GALNT17: variants seen among roughly 807,000 people sequenced by gnomAD.
The protein encoded by GALNT17 is UDP-GalNAc:polypeptide N-acetylgalactosaminyltransferase-like 3.
In GALNT17, 29 loss-of-function variants were observed where a neutral mutation model predicts 63.7. That is an observed-to-expected ratio of 0.46 (90% CI 0.34 to 0.62). The LOEUF (loss-of-function observed/expected upper bound fraction) is 0.62, where lower values mean the gene tolerates loss of function less well. Among genes scored for constraint, GALNT17 ranks in the 20% least tolerant of loss-of-function variants. GALNT17 has a pLI of 0.01. For synonymous variants in GALNT17, 305 were observed against 318.3 expected, an observed-to-expected ratio of 0.96 and a Z score of 0.45; for missense variants, 603 against 799.6, an observed-to-expected ratio of 0.75 and a Z score of 2.97.
intron 6 of GALNT17, among the ~76,000 whole-genome samples, chr7:71,583,269 T>C (rs951051490): frequency 1.7e-4 from 26 of 152,268 alleles, no homozygotes; most frequent in African/African-American, 6.0e-4. Context: ...TAATTTTTTG[T>C]ATTTTTAGTA....
At chr7:71,233,931 G>GAAGGAGA (rs1789839784) in intron 1 of GALNT17, among the ~76,000 whole-genome samples, 2 of 152,308 alleles carry the variant, frequency 1.3e-5, no homozygotes, top group South Asian at 2.1e-4. Flanking sequence ...CATGGCCAGA[G>GAAGGAGA]AAGGAGAAAG....
chr7:71,269,900 A>G (rs1271227216), intron 1 of GALNT17, among the ~76,000 whole-genome samples: 1 of 152,148 alleles, frequency 6.6e-6, no homozygotes, highest in Non-Finnish European at 1.5e-5. Flanking sequence ...CAAGAGCACA[A>G]AGCAGGGGAT....
intron 1 of GALNT17, among the ~76,000 whole-genome samples, chr7:71,136,079 C>G (rs2158735): frequency 0.56 from 84,520 of 152,002 alleles, 23,969 homozygotes; most frequent in East Asian, 0.86. Context: ...CTCTTCCTCT[C>G]TCTCCACCTG....
chr7:71,434,227 T>C (rs1008993936), intron 5 of GALNT17, among the ~76,000 whole-genome samples: 1 of 152,212 alleles, frequency 6.6e-6, no homozygotes, highest in Non-Finnish European at 1.5e-5. Flanking sequence ...TGTGATCATG[T>C]GAGTCAATTC....
intron 3 of GALNT17, among the ~76,000 whole-genome samples, chr7:71,392,013 A>G (rs1315146736): frequency 6.6e-6 from 1 of 152,118 alleles, no homozygotes; most frequent in African/African-American, 2.4e-5. Context: ...TGAAGGAGGC[A>G]TCGAGCCACA....
At chr7:71,375,702 G>A (rs557883299) in intron 2 of GALNT17, among the ~76,000 whole-genome samples, 1 of 152,334 alleles carries the variant, frequency 6.6e-6, no homozygotes, top group East Asian at 1.9e-4. Flanking sequence ...TTACAGGCAT[G>A]AGCCACTGCC....
chr7:71,678,731 C>G (rs1192927127), intron 9 of GALNT17, among the ~76,000 whole-genome samples: 1 of 151,252 alleles, frequency 6.6e-6, no homozygotes, highest in African/African-American at 2.4e-5. Context: ...GGAGGTGGAG[C>G]TTGCAGTGAG....
intron 1 of GALNT17, among the ~76,000 whole-genome samples, chr7:71,200,140 C>G (rs903908508): frequency 1.4e-4 from 21 of 152,054 alleles, no homozygotes; most frequent in Non-Finnish European, 4.4e-5. Context: ...TTTTCATAGC[C>G]TCTTGGTGGT....
chr7:71,476,087 T>C (rs1787718324), intron 5 of GALNT17, among the ~76,000 whole-genome samples: 1 of 152,152 alleles, frequency 6.6e-6, no homozygotes, highest in Non-Finnish European at 1.5e-5. Flanking sequence ...TTGTTTTGAG[T>C]GGGAACCATG....
intron 1 of GALNT17, among the ~76,000 whole-genome samples, chr7:71,266,621 C>T (rs1790496938): frequency 6.6e-6 from 1 of 152,162 alleles, no homozygotes; most frequent in Non-Finnish European, 1.5e-5. Context: ...TGGACTAATA[C>T]ATCTGCAAAG....
intron 1 of GALNT17, among the ~76,000 whole-genome samples, chr7:71,316,188 G>GTCCTGATCTGTGGGTCTGAGCAGGA (rs1791495268): frequency 9.5e-6 from 1 of 105,768 alleles, no homozygotes; most frequent in Admixed American, 1.0e-4. Flanking sequence ...GCCGCCTGGG[G>GTCCTGATCTGTGGGTCTGAGCAGGA]TCCTGATCTG....
chr7:71,361,156 A>G (rs1792393435), intron 2 of GALNT17, among the ~76,000 whole-genome samples: 1 of 152,180 alleles, frequency 6.6e-6, no homozygotes, highest in Non-Finnish European at 1.5e-5. Flanking sequence ...GCTGTAGCCA[A>G]CAGTGGTCAT....
intron 5 of GALNT17, among the ~76,000 whole-genome samples, chr7:71,505,498 G>A (rs1788252398): frequency 6.6e-6 from 1 of 152,154 alleles, no homozygotes; most frequent in African/African-American, 2.4e-5. Context: ...TACTTACGAG[G>A]CTGAAGTGGG....
At chr7:71,233,652 G>A (rs7806374) in intron 1 of GALNT17, among the ~76,000 whole-genome samples, 3,677 of 152,246 alleles carry the variant, frequency 0.024, 150 homozygotes, top group African/African-American at 0.084. Flanking sequence ...CAAGAGTCTG[G>A]GATGGTGGGT....
chr7:71,706,469 T>A (rs903962769), intron 9 of GALNT17, among the ~76,000 whole-genome samples: 3 of 152,242 alleles, frequency 2.0e-5, no homozygotes, highest in African/African-American at 7.2e-5. Flanking sequence ...ATCTGCCTGC[T>A]GGATAATAGA....
intron 5 of GALNT17, among the ~76,000 whole-genome samples, chr7:71,470,899 T>A (rs1204703873): frequency 2.0e-5 from 3 of 152,210 alleles, no homozygotes; most frequent in African/African-American, 7.2e-5. Flanking sequence ...TACTGGAATC[T>A]TGCCCATCTG....
chr7:71,415,790 A>T, intron 3 of GALNT17, 99 bp from the exon 4 acceptor site: 1 of 1,321,362 alleles, frequency 7.6e-7, no homozygotes, highest in Non-Finnish European at 1.0e-6. Context: ...TTTTTTTGAG[A>T]TCTTTGAACT....
At chr7:71,536,933 A>C (rs918684162) in intron 5 of GALNT17, among the ~76,000 whole-genome samples, 42 of 152,178 alleles carry the variant, frequency 2.8e-4, no homozygotes, top group Admixed American at 2.7e-3. Context: ...CAGCCCCTGC[A>C]CAGGGACCTG....
intron 5 of GALNT17, among the ~76,000 whole-genome samples, chr7:71,509,272 A>G (rs1788316386): frequency 6.6e-6 from 1 of 152,216 alleles, no homozygotes; most frequent in Non-Finnish European, 1.5e-5. Context: ...AGCACATGTA[A>G]TATAGCCTAG....
Sources: allele counts gnomAD v4.1 joint callset (sites outside exome capture counted in the v4.1 genomes callset), GRCh38; gene constraint gnomAD v4.1.1; transcripts MANE v1.5; gene names NCBI Gene and HGNC (gene_info 2026-07-23, HGNC 2026-07-21).